TERF1: variants seen among roughly 807,000 people sequenced by gnomAD.
TERF1 encodes the protein telomeric repeat binding factor 1.
A neutral mutation model predicts 55.1 loss-of-function variants in TERF1; 20 were observed. That is an observed-to-expected ratio of 0.36 (90% CI 0.26 to 0.53). The LOEUF (loss-of-function observed/expected upper bound fraction) is 0.53. Ranked by LOEUF, TERF1 falls within the 20% of genes least tolerant of loss-of-function variation. TERF1 has a pLI of 0.91. For synonymous variants in TERF1, 168 were observed against 181.2 expected, an observed-to-expected ratio of 0.93 and a Z score of 0.59; for missense variants, 439 against 535.7, an observed-to-expected ratio of 0.82 and a Z score of 1.78.
At chr8:73,013,436 C>A (rs1173896278) in intron 1 of TERF1, among the ~76,000 whole-genome samples, 1 of 152,174 alleles carries the variant, frequency 6.6e-6, no homozygotes, top group African/African-American at 2.4e-5. Context: ...TGTATGTAAT[C>A]ACTGCCTGAC....
intron 7 of TERF1, chr8:73,031,096 T>G (rs1809263780): frequency 6.6e-6 from 1 of 152,254 alleles, no homozygotes; most frequent in Non-Finnish European, 1.5e-5. Flanking sequence ...TACATCTCAG[T>G]GGCATGAATC....
chr8:73,016,995 C>T (rs570537032), intron 2 of TERF1, among the ~76,000 whole-genome samples: 1 of 152,238 alleles, frequency 6.6e-6, no homozygotes, highest in African/African-American at 2.4e-5. Flanking sequence ...TATCCCATGT[C>T]TTTAGCAATG....
In TERF1 at chr8:73,046,177, T is replaced by A. The variant is rs1322950456; in HGVS notation, c.*40T>A. 6.8e-7 allele frequency: 1 copy of A among 1,461,032 alleles called. No homozygotes were observed. Among genetic ancestry groups the A allele is most frequent in the African/African-American group, 1.4e-5 (1 of 69,288 alleles). 90.5% of individuals were successfully genotyped at this position (1,461,032 alleles called of 1,614,324 possible). On this transcript the variant is annotated 3_prime_UTR_variant, in exon 10 of 10. Transcript: ENST00000276603. Reference sequence around the variant, plus strand: ...GCTTGATGAAAGGACAGTTAAGTATTTTGATCACTGCATTTTGTTTGAAAC... The same window carrying A: ...GCTTGATGAAAGGACAGTTAAGTATATTGATCACTGCATTTTGTTTGAAAC...
At chr8:73,019,052 C>T (rs926043596) in intron 2 of TERF1, 1 of 152,158 alleles carries the variant, frequency 6.6e-6, no homozygotes, top group Non-Finnish European at 1.5e-5. Flanking sequence ...CAAGCACATA[C>T]AGGAGATTTA....
intron 9 of TERF1, 111 bp downstream of exon 9, chr8:73,039,330 G>T: frequency 1.4e-6 from 1 of 703,150 alleles, no homozygotes. Flanking sequence ...TAAAATATTT[G>T]CCCTTTGCCA....
chr8:73,027,460 G>A (rs540564756), intron 6 of TERF1, among the ~76,000 whole-genome samples: 1 of 152,198 alleles, frequency 6.6e-6, no homozygotes, highest in South Asian at 2.1e-4. Context: ...TGCTTCATCT[G>A]GTGCTCAACT....
At chr8:73,026,733 G>A (rs991652020) in intron 5 of TERF1, among the ~76,000 whole-genome samples, 2 of 151,110 alleles carry the variant, frequency 1.3e-5, no homozygotes, top group Non-Finnish European at 2.9e-5. Flanking sequence ...CCTTCGTAAC[G>A]CTGATAAACC....
Position 73,027,193 on chromosome 8 carries a change from C to CTG in TERF1, c.887+143_887+144dup. 6.2e-6 allele frequency: 4 copies of CTG among 643,674 alleles called. 1 individual carries two copies. The South Asian group carries it at 8.1e-5, about 13-fold the overall frequency. The allele number at this position is 643,674 out of a possible 1,614,324, so 39.9% of individuals were successfully genotyped here. ...GATTAACATTTAGGTATTTGAAGTA[C>CTG]TGTAGAGTTATTTCATGACTTGTGC... is the stretch of plus-strand genomic sequence containing the variant. On this transcript the variant is annotated intron_variant, in intron 6 of 9. Transcript: ENST00000276603.
Position 73,032,141 on chromosome 8 carries a change from C to T in TERF1, c.1039+8C>T, listed in dbSNP as rs1156923532. The T allele has an allele frequency of 1.9e-6, 3 of 1,592,998 alleles. No individual in the cohort carries two copies. Among genetic ancestry groups the T allele is most frequent in the Non-Finnish European group, 2.6e-6 (3 of 1,166,770 alleles). On this transcript the variant is annotated splice_region_variant and intron_variant, in intron 8 of 9. Coordinates refer to ENST00000276603, the MANE Select transcript of TERF1 (RefSeq NM_017489.3). ...GAGTAGGAACTCCTCAAAGTGAGTA[C>T]TGTTATAACAGTTTTAGAAGGGGAG...
At chr8:73,037,908 G>GATATAAT (rs1207837127) in intron 8 of TERF1, among the ~76,000 whole-genome samples, 2 of 102,346 alleles carry the variant, frequency 2.0e-5, no homozygotes, top group African/African-American at 6.9e-5. Context: ...ATATAAATAT[G>GATATAAT]ATATAATATA....
intron 2 of TERF1, among the ~76,000 whole-genome samples, chr8:73,017,032 T>A (rs892181812): frequency 1.3e-5 from 2 of 152,144 alleles, no homozygotes; most frequent in African/African-American, 4.8e-5. Flanking sequence ...CTAACTGTTT[T>A]CTAGCTGTAG....
At chr8:73,034,855 TAC>T (rs1043914814) in intron 8 of TERF1, among the ~76,000 whole-genome samples, 3 of 152,112 alleles carry the variant, frequency 2.0e-5, no homozygotes, top group Non-Finnish European at 4.4e-5. Context: ...TGCCTTTGGT[TAC>T]ACAGTGTATG....
At chr8:73,013,298 T>G (rs1196985821) in intron 1 of TERF1, among the ~76,000 whole-genome samples, 1 of 152,218 alleles carries the variant, frequency 6.6e-6, no homozygotes, top group East Asian at 1.9e-4. Flanking sequence ...TGTTATATGC[T>G]TCCAAAGCAT....
intron 2 of TERF1, among the ~76,000 whole-genome samples, chr8:73,018,258 A>G (rs1205187735): frequency 6.6e-6 from 1 of 152,226 alleles, no homozygotes; most frequent in East Asian, 1.9e-4. Flanking sequence ...TTTTATATCT[A>G]AAATGTTGGA....
intron 2 of TERF1, among the ~76,000 whole-genome samples, chr8:73,018,414 G>C (rs1279231746): frequency 6.6e-6 from 1 of 152,156 alleles, no homozygotes; most frequent in African/African-American, 2.4e-5. Flanking sequence ...GGTGGCTCAC[G>C]CCTGTAATCC....
At chr8:73,041,977 G>A (rs1451767377) in intron 9 of TERF1, among the ~76,000 whole-genome samples, 3 of 152,128 alleles carry the variant, frequency 2.0e-5, no homozygotes, top group African/African-American at 7.2e-5. Flanking sequence ...AGTAATTCTT[G>A]TGATTTTCTC....
chr8:73,030,428 T>G (rs780503748), intron 7 of TERF1, 33 bp downstream of exon 7: 2 of 1,390,126 alleles, frequency 1.4e-6, no homozygotes, highest in Admixed American at 6.0e-5. Flanking sequence ...TTCTTTGTCT[T>G]TCAAATCTTT....
chr8:73,042,170 A>G (rs1052919699), intron 9 of TERF1, among the ~76,000 whole-genome samples: 2 of 152,204 alleles, frequency 1.3e-5, no homozygotes, highest in Non-Finnish European at 2.9e-5. Flanking sequence ...TCTCTGTCTT[A>G]TACATATAAC....
intron 4 of TERF1, among the ~76,000 whole-genome samples, chr8:73,022,754 C>G (rs1808819601): frequency 6.6e-6 from 1 of 152,038 alleles, no homozygotes; most frequent in African/African-American, 2.4e-5. Context: ...CAAGAGCAGC[C>G]TGGGCAACAC....
Sources: gnomAD v4.1 joint callset for allele counts (sites outside exome capture counted in the v4.1 genomes callset) on GRCh38, gnomAD v4.1.1 for gene constraint, MANE v1.5 for transcripts, NCBI Gene and HGNC (gene_info 2026-07-23, HGNC 2026-07-21) for gene names.